PRXL2C: variants seen among roughly 807,000 people sequenced by gnomAD.
PRXL2C encodes the protein peroxiredoxin like 2C.
Under a neutral mutation model 24.9 loss-of-function variants are expected in PRXL2C, and 38 were observed. The observed-to-expected ratio is 1.53, with a 90% CI of 1.18 to 2.00. The LOEUF is 2.00. Among genes scored for constraint, PRXL2C ranks in the 30% most tolerant of loss-of-function variants. PRXL2C has a pLI of 0.00. For synonymous variants in PRXL2C, 98 were observed against 117.2 expected, an observed-to-expected ratio of 0.84 and a Z score of 1.06; for missense variants, 294 against 290.9, an observed-to-expected ratio of 1.01 and a Z score of -0.08.
chr9:96,654,421 T>C lies in PRXL2C; in HGVS notation c.261+284A>G, dbSNP rs114983949. 6.7e-3 allele frequency among the ~76,000 whole-genome samples: 1,026 copies of C among 152,386 alleles called. 16 individuals carry two copies. The highest frequency in any genetic ancestry group is 0.023 in the African/African-American group (970 of 41,602). ...AAAATAAAGGGAAGAAAATAACCAT[T>C]TCCAGCATTTGTTTTAGGGCATTAT... On this transcript the variant is annotated intron_variant, in intron 2 of 5. Transcript: ENST00000375234.
intron 4 of PRXL2C, among the ~76,000 whole-genome samples, chr9:96,647,582 G>C (rs1848213299): frequency 6.6e-6 from 1 of 152,138 alleles, no homozygotes; most frequent in Admixed American, 6.5e-5. Context: ...GAGTGCAGTG[G>C]CACAATCATA....
At chr9:96,644,033 T>C (rs1848156830) in intron 5 of PRXL2C, among the ~76,000 whole-genome samples, 1 of 148,696 alleles carries the variant, frequency 6.7e-6, no homozygotes, top group Non-Finnish European at 1.5e-5. Context: ...CTAGGGAGAC[T>C]GAGGCAGGAA....
At chr9:96,654,574 G>A (rs562027609) in intron 2 of PRXL2C, 131 bp downstream of exon 2, 5 of 755,848 alleles carry the variant, frequency 6.6e-6, no homozygotes, top group African/African-American at 3.5e-5. Context: ...CTTTTGGAGG[G>A]GCGAGGGTGG....
At position 96,641,882 on chromosome 9, in the gene PRXL2C, G is replaced by A. The variant is rs1848122525; in HGVS notation, c.558C>T (p.Asn186=). The A allele has an allele frequency of 6.7e-7, 1 of 1,499,584 alleles. No individual in the cohort carries two copies. Among genetic ancestry groups the A allele is most frequent in the Non-Finnish European group, 9.0e-7 (1 of 1,105,316 alleles). 92.9% of individuals were successfully genotyped at this position (1,499,584 alleles called of 1,614,324 possible). A position where few individuals can be genotyped will look rare whatever the true frequency, so the allele number is the denominator to read the frequency against. ...QGGTLILGPG[N]NIHFIHRDRN... is the part of the protein sequence containing the mutation. ...TATCGCGGTGTATAAAATGGATGTT[G>A]TTACCTAGAAGAGAATAAGAATAAA... The change falls in exon 6 of 6, where the codon AAC becomes AAT. Residue 186 remains asparagine, a synonymous_variant. Coordinates refer to ENST00000375234, the MANE Select transcript of PRXL2C (RefSeq NM_153698.2).
At chr9:96,649,811 T>C (rs1223323922) in intron 4 of PRXL2C, among the ~76,000 whole-genome samples, 1 of 152,044 alleles carries the variant, frequency 6.6e-6, no homozygotes, top group African/African-American at 2.4e-5. Flanking sequence ...CTTGTATAAT[T>C]CCCCAGCTGC....
intron 2 of PRXL2C, among the ~76,000 whole-genome samples, chr9:96,652,178 A>C (rs1848277005): frequency 6.6e-6 from 1 of 152,248 alleles, no homozygotes; most frequent in African/African-American, 2.4e-5. Flanking sequence ...AAATATCCAA[A>C]GTGTAAAAGA....
Position 96,655,277 on chromosome 9 carries a change from G to T in PRXL2C, c.5C>A (p.Ala2Asp). 2 of 1,065,952 alleles carry T rather than the reference G, an allele frequency of 1.9e-6. No homozygotes were observed. Among genetic ancestry groups the T allele is most frequent in the Non-Finnish European group, 2.3e-6 (2 of 883,578 alleles). The allele number at this position is 1,065,952 out of a possible 1,614,324, so 66.0% of individuals were successfully genotyped here. A position where few individuals can be genotyped will look rare whatever the true frequency, so the allele number is the denominator to read the frequency against. Residue 2 changes from alanine to aspartate, a missense_variant, in exon 1 of 6, where the codon GCC becomes GAC. Ala to Asp is a moderately radical substitution (Grantham distance 126). Coordinates refer to ENST00000375234, the MANE Select transcript of PRXL2C (RefSeq NM_153698.2). Reference protein sequence around the residue: MAAPAPVTRQVS... With the variant: MDAPAPVTRQVS... ...CTGCCGCGTGACCGGGGCCGGCGCG[G>T]CCATGACGCGGGGCGGCCGAGGGCC...
At chr9:96,645,371 G>A (rs1253983275) in intron 5 of PRXL2C, among the ~76,000 whole-genome samples, 2 of 152,010 alleles carry the variant, frequency 1.3e-5, no homozygotes, top group East Asian at 1.9e-4. Flanking sequence ...TGATGGGCAC[G>A]CTCATCAAAT....
intron 4 of PRXL2C, among the ~76,000 whole-genome samples, chr9:96,647,569 C>A (rs1441604728): frequency 6.6e-6 from 1 of 152,182 alleles, no homozygotes; most frequent in Non-Finnish European, 1.5e-5. Flanking sequence ...GTTGCTCAGG[C>A]TGGAGTGCAG....
At chr9:96,654,297 C>T (rs117107518) in intron 2 of PRXL2C, among the ~76,000 whole-genome samples, 1 of 152,286 alleles carries the variant, frequency 6.6e-6, no homozygotes, top group East Asian at 1.9e-4. Context: ...TGTGGTTTGT[C>T]CTAGGGACAT....
intron 5 of PRXL2C, among the ~76,000 whole-genome samples, chr9:96,644,179 A>G (rs759140979): frequency 6.6e-6 from 1 of 151,972 alleles, no homozygotes; most frequent in Non-Finnish European, 1.5e-5. Flanking sequence ...TATTACTCAT[A>G]TAACTCTTAT....
chr9:96,644,348 C>T (rs2119174042), intron 5 of PRXL2C, among the ~76,000 whole-genome samples: 1 of 152,224 alleles, frequency 6.6e-6, no homozygotes, highest in South Asian at 2.1e-4. Flanking sequence ...TTACAATACA[C>T]TTAGATGTCC....
At chr9:96,649,660 C>G (rs1386091296) in intron 4 of PRXL2C, among the ~76,000 whole-genome samples, 2 of 151,942 alleles carry the variant, frequency 1.3e-5, no homozygotes, top group Admixed American at 6.5e-5. Context: ...TCCTCTCTAT[C>G]CCCTCTTCAA....
intron 5 of PRXL2C, among the ~76,000 whole-genome samples, 176 bp from the exon 6 acceptor site, chr9:96,642,062 T>C (rs1292634462): frequency 6.6e-6 from 1 of 152,172 alleles, no homozygotes; most frequent in Non-Finnish European, 1.5e-5. Context: ...GGTAATAAAG[T>C]ATGACAAGGA....
rs1251922042 is a variant in PRXL2C, at chr9:96,646,086, A to C, written c.422-62T>G. The C allele has an allele frequency of 1.5e-5, 22 of 1,469,936 alleles. No individual in the cohort carries two copies. In the Admixed American group the frequency reaches 4.7e-4, roughly 31 times the overall value. The allele number at this position is 1,469,936 out of a possible 1,614,324, so 91.1% of individuals were successfully genotyped here. On this transcript the variant is annotated intron_variant, in intron 4 of 5. Coordinates refer to ENST00000375234, the MANE Select transcript of PRXL2C (RefSeq NM_153698.2). ...TATTCAATTTGATATTAAGAAGATA[A>C]TGTATTTCTAGAAAACATTCTCTTT... is the stretch of plus-strand genomic sequence containing the variant.
In PRXL2C at chr9:96,654,949, C is replaced by A. The variant is rs574121907; in HGVS notation, c.192+141G>T. 7.4e-5 allele frequency: 91 copies of A among 1,225,954 alleles called. 1 individual carries two copies. In the African/African-American group the frequency reaches 1.1e-3, roughly 15 times the overall value. 75.9% of individuals were successfully genotyped at this position (1,225,954 alleles called of 1,614,324 possible). A position where few individuals can be genotyped will look rare whatever the true frequency, so the allele number is the denominator to read the frequency against. ...GCCTCGCCCTCGCCCTCTCCCTGCCCCGCCCTAGTTGGGAAGCGGCCGCGA... is the reference window on the plus strand; with the variant it reads ...GCCTCGCCCTCGCCCTCTCCCTGCCACGCCCTAGTTGGGAAGCGGCCGCGA... On this transcript the variant is annotated intron_variant, in intron 1 of 5. Transcript: ENST00000375234.
chr9:96,648,855 C>G (rs1344108190), intron 4 of PRXL2C, among the ~76,000 whole-genome samples: 1 of 152,090 alleles, frequency 6.6e-6, no homozygotes, highest in African/African-American at 2.4e-5. Flanking sequence ...CTCACCACAA[C>G]CTCTGCCTTC....
At chr9:96,642,546 A>ATTTTTTTTT (rs1212733244) in intron 5 of PRXL2C, among the ~76,000 whole-genome samples, 1 of 134,942 alleles carries the variant, frequency 7.4e-6, no homozygotes, top group Non-Finnish European at 1.6e-5. Flanking sequence ...GCACGTTTTC[A>ATTTTTTTTT]TTTTTTTTTT....
rs1484636499 is a variant in PRXL2C at position 96,639,954 on chromosome 9, A to G, written c.*1805T>C. 3 of 152,064 alleles carry G rather than the reference A, an allele frequency of 2.0e-5. No individual in the cohort carries two copies. The highest frequency in any genetic ancestry group is 3.9e-4 in the East Asian group (2 of 5,124). 9.4% of individuals were successfully genotyped at this position (152,064 alleles called of 1,614,324 possible). A position where few individuals can be genotyped will look rare whatever the true frequency, so the allele number is the denominator to read the frequency against. ...CTAAAAAATAGAAACTTAGCCAGGC[A>G]TGGTGGCGCATGCCTGTAATCTCAG... On this transcript the variant is annotated 3_prime_UTR_variant, in exon 6 of 6. Coordinates refer to ENST00000375234, the MANE Select transcript of PRXL2C (RefSeq NM_153698.2).
Sources: allele counts gnomAD v4.1 joint callset (sites outside exome capture counted in the v4.1 genomes callset), GRCh38; gene constraint gnomAD v4.1.1; transcripts MANE v1.5; gene names NCBI Gene and HGNC (gene_info 2026-07-23, HGNC 2026-07-21).